ZFAND6: variants seen among roughly 807,000 people sequenced by gnomAD.
ZFAND6 encodes the protein AN1-type zinc finger protein 6.
In ZFAND6, 12 loss-of-function variants were observed where a neutral mutation model predicts 24.5. That is an observed-to-expected ratio of 0.49 (90% CI 0.31 to 0.79). The LOEUF is 0.79. Among genes scored for constraint, ZFAND6 ranks in the 30% least tolerant of loss-of-function variants. The probability of loss-of-function intolerance (pLI) is 0.04; values close to 1 mark genes in which losing one functional copy is unlikely to be tolerated. For synonymous variants in ZFAND6, 92 were observed against 81.5 expected (o/e 1.13, Z -0.69); for missense variants, 207 against 245.9 (o/e 0.84, Z 1.06).
chr15:80,123,548 C>T (rs1366636942), intron 5 of ZFAND6, among the ~76,000 whole-genome samples: 1 of 152,202 alleles, frequency 6.6e-6, no homozygotes, highest in African/African-American at 2.4e-5. Context: ...AACTTCATTG[C>T]ACATGGTGTT....
rs374416000 is a variant in ZFAND6, at chr15:80,131,164, T to A, written c.365-16T>A. On this transcript the variant is annotated splice_polypyrimidine_tract_variant and intron_variant, in intron 5 of 6. Coordinates refer to ENST00000261749, the MANE Select transcript of ZFAND6 (RefSeq NM_019006.4). ...TACAGAATAATTAAATTTTGCCACC[T>A]TCGTATTTTTGTTAGCTTCAGTATC... is the stretch of plus-strand genomic sequence containing the variant. 5.2e-6 allele frequency: 8 copies of A among 1,530,722 alleles called. No homozygotes were observed. The African/African-American group carries it at 8.3e-5, about 16-fold the overall frequency. The allele number at this position is 1,530,722 out of a possible 1,614,324, so 94.8% of individuals were successfully genotyped here.
chr15:80,063,532 C>G (rs992869621), intron 1 of ZFAND6, among the ~76,000 whole-genome samples: 5 of 151,572 alleles, frequency 3.3e-5, no homozygotes, highest in African/African-American at 1.2e-4. Flanking sequence ...GCTGAGACTA[C>G]AGACATGCAC....
At chr15:80,121,564 T>A in intron 3 of ZFAND6, 148 bp from the exon 4 acceptor site, 2 of 509,654 alleles carry the variant, frequency 3.9e-6, no homozygotes, top group South Asian at 6.7e-5. Context: ...CGTTGAAAAA[T>A]TTTTTAAAAA....
chr15:80,071,775 A>G (rs1179240390), intron 1 of ZFAND6, among the ~76,000 whole-genome samples: 1 of 151,996 alleles, frequency 6.6e-6, no homozygotes, highest in Non-Finnish European at 1.5e-5. Flanking sequence ...AAAAGACTTA[A>G]ACTTTTCTAA....
intron 2 of ZFAND6, among the ~76,000 whole-genome samples, chr15:80,107,046 C>T (rs1380080577): frequency 6.6e-6 from 1 of 152,040 alleles, no homozygotes; most frequent in African/African-American, 2.4e-5. Flanking sequence ...AACCCCGTCT[C>T]TACTAAAAAT....
At chr15:80,128,585 A>G (rs1253288037) in intron 5 of ZFAND6, among the ~76,000 whole-genome samples, 3 of 152,252 alleles carry the variant, frequency 2.0e-5, no homozygotes, top group Non-Finnish European at 4.4e-5. Context: ...TTTTAAAAAT[A>G]GTACTATATC....
chr15:80,095,796 G>T (rs1354999898), intron 1 of ZFAND6, among the ~76,000 whole-genome samples: 1 of 152,092 alleles, frequency 6.6e-6, no homozygotes, highest in Non-Finnish European at 1.5e-5. Flanking sequence ...CTCTCTAACT[G>T]CCCTTCAAAA....
At chr15:80,084,472 G>A (rs1239726005) in intron 1 of ZFAND6, among the ~76,000 whole-genome samples, 2 of 152,202 alleles carry the variant, frequency 1.3e-5, no homozygotes, top group Non-Finnish European at 2.9e-5. Context: ...AATAACTGAG[G>A]CCTAACTGGC....
chr15:80,118,082 T>C (rs2039972158), intron 2 of ZFAND6, among the ~76,000 whole-genome samples: 1 of 151,880 alleles, frequency 6.6e-6, no homozygotes, highest in Admixed American at 6.6e-5. Context: ...ACATACTATA[T>C]ATACACACAT....
intron 2 of ZFAND6, chr15:80,112,815 C>G: frequency 2.2e-6 from 1 of 456,052 alleles, no homozygotes; most frequent in South Asian, 1.5e-5. Context: ...TTACTGTATG[C>G]AACAGGAAAC....
chr15:80,110,873 A>T (rs1412515762), intron 2 of ZFAND6, among the ~76,000 whole-genome samples: 1 of 152,226 alleles, frequency 6.6e-6, no homozygotes, highest in Non-Finnish European at 1.5e-5. Context: ...TGAAAGGCTT[A>T]GCTTCTCACA....
At chr15:80,080,121 C>G (rs955818512) in intron 1 of ZFAND6, among the ~76,000 whole-genome samples, 3 of 152,000 alleles carry the variant, frequency 2.0e-5, no homozygotes, top group Non-Finnish European at 2.9e-5. Flanking sequence ...GTCTCAGCCT[C>G]CGAGTAGCTG....
chr15:80,089,144 G>A (rs746904818), intron 1 of ZFAND6, among the ~76,000 whole-genome samples: 6 of 150,190 alleles, frequency 4.0e-5, no homozygotes, highest in Non-Finnish European at 7.4e-5. Flanking sequence ...AACTCCTTCT[G>A]TTCTTCACTG....
At chr15:80,121,675 T>C in intron 3 of ZFAND6, 37 bp from the exon 4 acceptor site, 1 of 1,563,068 alleles carries the variant, frequency 6.4e-7, no homozygotes, top group Non-Finnish European at 8.8e-7. Flanking sequence ...CTGCTGAGCA[T>C]ATAGAATCAC....
intron 6 of ZFAND6, among the ~76,000 whole-genome samples, chr15:80,134,906 G>A (rs1480830861): frequency 1.3e-5 from 2 of 152,230 alleles, no homozygotes; most frequent in African/African-American, 2.4e-5. Context: ...ACCGTTTGGT[G>A]ATATGAGAAC....
At position 80,105,098 on chromosome 15, in the gene ZFAND6, A is replaced by C. The variant is rs116074543; in HGVS notation, c.-18+6520A>C. Among the ~76,000 whole-genome samples, 671 of 152,304 alleles carry C rather than the reference A, an allele frequency of 4.4e-3. 6 individuals carry two copies. Among genetic ancestry groups the C allele is most frequent in the African/African-American group, 0.016 (652 of 41,556 alleles). On this transcript the variant is annotated intron_variant, in intron 2 of 6. Coordinates refer to ENST00000261749, the MANE Select transcript of ZFAND6 (RefSeq NM_019006.4). ...CCTTATTCTAAGATCATTTCCCACT[A>C]TCCTGTAGTCTAGGCACACAGAAGT...
chr15:80,087,551 T>G (rs1192709378), intron 1 of ZFAND6, among the ~76,000 whole-genome samples: 3 of 152,182 alleles, frequency 2.0e-5, no homozygotes, highest in African/African-American at 7.2e-5. Context: ...CACCTCTTGT[T>G]TCATTCTCTC....
At position 80,070,046 on chromosome 15, in the gene ZFAND6, C is replaced by G. The variant is rs148183922; in HGVS notation, c.-181+10237C>G. On this transcript the variant is annotated intron_variant, in intron 1 of 6. Transcript: ENST00000261749. ...CCACCAGTCGTGCCAGAGAAAATGC[C>G]CAGGATTAATTTCTTTTGTAGGAAG... Among the ~76,000 whole-genome samples, 1,072 of 152,176 alleles carry G rather than the reference C, an allele frequency of 7.0e-3. 10 individuals are homozygous for G. The highest frequency in any genetic ancestry group is 0.021 in the African/African-American group (884 of 41,524).
chr15:80,088,296 G>A (rs974736926), intron 1 of ZFAND6, among the ~76,000 whole-genome samples: 1 of 152,062 alleles, frequency 6.6e-6, no homozygotes, highest in African/African-American at 2.4e-5. Context: ...GCCGAGCACA[G>A]TGTGGTTCAT....
Sources: gnomAD v4.1 joint callset for allele counts (sites outside exome capture counted in the v4.1 genomes callset) on GRCh38, gnomAD v4.1.1 for gene constraint, MANE v1.5 for transcripts, NCBI Gene and HGNC (gene_info 2026-07-23, HGNC 2026-07-21) for gene names.